RHOBTB3: variants seen among roughly 807,000 people sequenced by gnomAD.
RHOBTB3 encodes the protein Rho related BTB domain containing 3, also known as rho-related BTB domain-containing protein 3.
Under a neutral mutation model 67.2 loss-of-function variants are expected in RHOBTB3, and 47 were observed. The ratio of observed to expected loss-of-function variants is 0.70; its 90% CI spans 0.55 to 0.89. The LOEUF is 0.89. Ranked by LOEUF, RHOBTB3 falls within the 40% of genes least tolerant of loss-of-function variation. The pLI is 0.00. For missense variants in RHOBTB3, 631 were observed against 750.0 expected (o/e 0.84, Z 1.85); for synonymous variants, 273 against 274.2 (o/e 1.00, Z 0.04).
intron 1 of RHOBTB3, among the ~76,000 whole-genome samples, chr5:95,722,511 G>C (rs1754916373): frequency 6.6e-6 from 1 of 151,272 alleles, no homozygotes; most frequent in African/African-American, 2.4e-5. Context: ...TTTTTTTTGA[G>C]ATGGAGTCTC....
rs565071063 is a variant in RHOBTB3, at chr5:95,742,921, A to C, written c.416-5412A>C. On this transcript the variant is annotated intron_variant, in intron 3 of 11. Coordinates refer to ENST00000379982, the MANE Select transcript of RHOBTB3 (RefSeq NM_014899.4). ...CCCTGTCTCTACTAAAAGTACAAAAATTAGCCAGGCATGCTGGCGGGCGCC... is the reference window on the plus strand; with the variant it reads ...CCCTGTCTCTACTAAAAGTACAAAACTTAGCCAGGCATGCTGGCGGGCGCC... Among the ~76,000 whole-genome samples the C allele has an allele frequency of 9.2e-4, 140 of 152,260 alleles. 1 individual carries two copies. The highest frequency in any genetic ancestry group is 3.2e-3 in the African/African-American group (131 of 41,562).
intron 3 of RHOBTB3, among the ~76,000 whole-genome samples, chr5:95,737,843 A>C (rs895964527): frequency 6.6e-6 from 1 of 152,238 alleles, no homozygotes; most frequent in African/African-American, 2.4e-5. Flanking sequence ...GAACATTTGC[A>C]GCACTTGAGA....
At chr5:95,746,756 C>T (rs919317618) in intron 3 of RHOBTB3, among the ~76,000 whole-genome samples, 4 of 152,182 alleles carry the variant, frequency 2.6e-5, no homozygotes. Flanking sequence ...GCCACATAAC[C>T]TCTCTGAGCC....
At chr5:95,761,803 G>A (rs1745403437) in intron 6 of RHOBTB3, among the ~76,000 whole-genome samples, 1 of 152,122 alleles carries the variant, frequency 6.6e-6, no homozygotes, top group African/African-American at 2.4e-5. Flanking sequence ...ATTGATCTGG[G>A]ATCCATTGGC....
rs1349069254 is a variant in RHOBTB3 at position 95,784,617 on chromosome 5, A to C, written c.1623+654A>C. Reference sequence around the variant, plus strand: ...TAGAGAACGGGGGTGGGGGAGTTACATAATTAAGTTAATTTTAAGTAACTG... The same window carrying C: ...TAGAGAACGGGGGTGGGGGAGTTACCTAATTAAGTTAATTTTAAGTAACTG... On this transcript the variant is annotated intron_variant, in intron 10 of 11. Transcript: ENST00000379982. 2.0e-5 allele frequency among the ~76,000 whole-genome samples: 3 copies of C among 152,194 alleles called. No homozygotes were observed. The East Asian group carries it at 5.8e-4, about 29-fold the overall frequency.
chr5:95,740,608 A>G (rs1208132028), intron 3 of RHOBTB3, among the ~76,000 whole-genome samples: 1 of 152,246 alleles, frequency 6.6e-6, no homozygotes, highest in African/African-American at 2.4e-5. Flanking sequence ...GAAAGGATCC[A>G]CAAGAAAAGA....
chr5:95,768,114 C>G lies in RHOBTB3; in HGVS notation c.1230C>G (p.Leu410=). Reference sequence around the variant, plus strand: ...CTTTGTGGTTTTATAACACTTCCCTCAAGTTTTTCCTTAATAAGCCGATGC... The same window carrying G: ...CTTTGTGGTTTTATAACACTTCCCTGAAGTTTTTCCTTAATAAGCCGATGC... The part of the protein sequence containing the change: ...RKPLWFYNTS[L]KFFLNKPMLA... Residue 410 remains leucine, a synonymous_variant, in exon 8 of 12, where the codon CTC becomes CTG. Coordinates refer to ENST00000379982, the MANE Select transcript of RHOBTB3 (RefSeq NM_014899.4). 6.2e-7 allele frequency: 1 copy of G among 1,613,370 alleles called. No individual in the cohort carries two copies. The highest frequency in any genetic ancestry group is 8.5e-7 in the Non-Finnish European group (1 of 1,179,350).
intron 6 of RHOBTB3, among the ~76,000 whole-genome samples, chr5:95,759,416 A>G (rs1388395883): frequency 2.6e-5 from 4 of 152,268 alleles, no homozygotes; most frequent in African/African-American, 7.2e-5. Context: ...TTTCATTTAC[A>G]TTATGTTAAA....
At chr5:95,735,452 A>G (rs1409820082) in intron 2 of RHOBTB3, among the ~76,000 whole-genome samples, 1 of 152,120 alleles carries the variant, frequency 6.6e-6, no homozygotes, top group Non-Finnish European at 1.5e-5. Flanking sequence ...TCAGAAGGGC[A>G]TTGCTGTGTG....
At chr5:95,761,303 G>A (rs905429963) in intron 6 of RHOBTB3, among the ~76,000 whole-genome samples, 1 of 149,262 alleles carries the variant, frequency 6.7e-6, no homozygotes, top group Non-Finnish European at 1.5e-5. Flanking sequence ...CTAACACTGG[G>A]TTTGGATAAT....
At chr5:95,730,923 AG>A (rs532286249), upstream of RHOBTB3, 825 of 458,732 alleles carry the variant, frequency 1.8e-3, 7 homozygotes, top group African/African-American at 0.014. Flanking sequence ...CAAGGCCAAG[AG>A]GGGGGGAAAT....
Position 95,787,931 on chromosome 5 carries a change from G to T in RHOBTB3, c.1624-831G>T, listed in dbSNP as rs976679306. On this transcript the variant is annotated intron_variant, in intron 10 of 11. Coordinates refer to ENST00000379982, the MANE Select transcript of RHOBTB3 (RefSeq NM_014899.4). The stretch of plus-strand genomic sequence containing the variant: ...GGCCTGGAAATGGATAGTGGTGTTG[G>T]GTTGCCCCACCATGTGTATGCACTT... Among the ~76,000 whole-genome samples the T allele has an allele frequency of 2.6e-5, 4 of 152,128 alleles. No individual in the cohort carries two copies. The South Asian group carries it at 6.2e-4, about 24-fold the overall frequency.
chr5:95,755,830 C>G (rs768756099), intron 6 of RHOBTB3, 69 bp downstream of exon 6: 1 of 1,503,482 alleles, frequency 6.7e-7, no homozygotes. Flanking sequence ...GCCTGTGACA[C>G]TCAAGGGTAC....
rs577698885 is a variant in RHOBTB3 at position 95,778,408 on chromosome 5, T to G, written c.1283-1844T>G. Among the ~76,000 whole-genome samples, 28 of 152,268 alleles carry G rather than the reference T, an allele frequency of 1.8e-4. No individual in the cohort carries two copies. In the East Asian group the frequency reaches 4.6e-3, roughly 25 times the overall value. ...TTCAATACAGTTGCAGGGTTTTTTT[T>G]TTTTTCTGAATATTTTCCACTCTCT... is the stretch of plus-strand genomic sequence containing the variant. On this transcript the variant is annotated intron_variant, in intron 8 of 11. Transcript: ENST00000379982.
At chr5:95,755,301 A>T in intron 5 of RHOBTB3, 95 bp from the exon 6 acceptor site, 1 of 898,480 alleles carries the variant, frequency 1.1e-6, no homozygotes, top group Non-Finnish European at 1.5e-6. Flanking sequence ...ATAATATTTT[A>T]AAATATTATA....
chr5:95,791,315 T>C (rs965318861), intron 11 of RHOBTB3, among the ~76,000 whole-genome samples: 24 of 152,192 alleles, frequency 1.6e-4, no homozygotes, highest in Non-Finnish European at 1.3e-4. Context: ...ACTGGACTCA[T>C]GAACACAAAC....
chr5:95,773,372 C>A (rs180911673), intron 8 of RHOBTB3, among the ~76,000 whole-genome samples: 1 of 152,250 alleles, frequency 6.6e-6, no homozygotes, highest in East Asian at 1.9e-4. Context: ...CAAGGAACAG[C>A]AGGAATGGTG....
At chr5:95,737,188 T>G in intron 3 of RHOBTB3, 113 bp downstream of exon 3, 2 of 662,084 alleles carry the variant, frequency 3.0e-6, no homozygotes, top group Non-Finnish European at 2.5e-6. Flanking sequence ...CAAAATGACT[T>G]TGGTTCAATG....
chr5:95,776,380 C>T (rs934270896), intron 8 of RHOBTB3, among the ~76,000 whole-genome samples: 17 of 149,342 alleles, frequency 1.1e-4, no homozygotes, highest in East Asian at 2.0e-4. Context: ...TTACTCTAGC[C>T]GGAAGACAGA....
Sources: allele counts gnomAD v4.1 joint callset (sites outside exome capture counted in the v4.1 genomes callset), GRCh38; gene constraint gnomAD v4.1.1; transcripts MANE v1.5; gene names NCBI Gene and HGNC (gene_info 2026-07-23, HGNC 2026-07-21).